The following GPHN variants were observed in gnomAD, a reference collection of about 807,000 sequenced individuals.
The protein encoded by GPHN is gephyrin.
In GPHN, 17 loss-of-function variants were observed where a neutral mutation model predicts 95.5. The observed-to-expected ratio is 0.18, with a 90% CI of 0.12 to 0.27. The LOEUF (loss-of-function observed/expected upper bound fraction) is 0.27, where lower values mean the gene tolerates loss of function less well. Ranked by LOEUF, GPHN falls within the 10% of genes least tolerant of loss-of-function variation. The pLI is 1.00. For missense variants in GPHN, 660 were observed against 978.1 expected (o/e 0.67, Z 4.34); for synonymous variants, 320 against 322.5 (o/e 0.99, Z 0.08).
chr14:66,870,311 A>T (rs1243752574), intron 4 of GPHN, among the ~76,000 whole-genome samples: 1 of 152,180 alleles, frequency 6.6e-6, no homozygotes, highest in Non-Finnish European at 1.5e-5. Context: ...TCACCATGAT[A>T]TATTTTTTCT....
the GPHN span, among the ~76,000 whole-genome samples, chr14:67,340,777 G>C: frequency 6.6e-6 from 1 of 152,218 alleles, no homozygotes; most frequent in Admixed American, 6.5e-5. Context: ...CTCCCTGCCT[G>C]ATTCTCCTGC....
At chr14:66,909,001 G>A (rs1261400544) in intron 5 of GPHN, among the ~76,000 whole-genome samples, 1 of 151,976 alleles carries the variant, frequency 6.6e-6, no homozygotes, top group Non-Finnish European at 1.5e-5. Context: ...ACAGAAAAAG[G>A]GTATTAAGTA....
At chr14:66,924,559 G>T (rs1364642852) in intron 8 of GPHN, among the ~76,000 whole-genome samples, 1 of 152,096 alleles carries the variant, frequency 6.6e-6, no homozygotes, top group Non-Finnish European at 1.5e-5. Context: ...GAAAGTCATT[G>T]CTCAGAAGTT....
At chr14:67,400,374 T>C in the GPHN span, among the ~76,000 whole-genome samples, 1 of 152,244 alleles carries the variant, frequency 6.6e-6, no homozygotes, top group Admixed American at 6.5e-5. Flanking sequence ...CCACATGTAG[T>C]ATGGGCATTG....
chr14:67,672,728 C>CCA, the GPHN span, among the ~76,000 whole-genome samples: 1 of 152,180 alleles, frequency 6.6e-6, no homozygotes, highest in African/African-American at 2.4e-5. Flanking sequence ...CAGGTGTGAG[C>CCA]CACCGTACCC....
chr14:67,474,707 C>T, the GPHN span, among the ~76,000 whole-genome samples: 2 of 152,160 alleles, frequency 1.3e-5, no homozygotes, highest in African/African-American at 2.4e-5. Flanking sequence ...CCATTAAATA[C>T]AAACTCCCAT....
intron 3 of GPHN, among the ~76,000 whole-genome samples, chr14:66,808,903 T>C (rs908540239): frequency 6.6e-6 from 1 of 152,174 alleles, no homozygotes; most frequent in Admixed American, 6.5e-5. Flanking sequence ...GAGAACATGA[T>C]GGGAAGGACT....
chr14:67,677,036 AGAAGT>A, the GPHN span: 1 of 152,216 alleles, frequency 6.6e-6, no homozygotes, highest in Non-Finnish European at 1.5e-5. Flanking sequence ...TACAAGTATC[AGAAGT>A]GAAGACTGTG....
In GPHN at chr14:66,681,153, A is replaced by G. The variant is rs2066912188; in HGVS notation, c.111A>G (p.Ile37Met). 2 of 1,599,428 alleles carry G rather than the reference A, an allele frequency of 1.3e-6. No homozygotes were observed. Among genetic ancestry groups the G allele is most frequent in the South Asian group, 2.2e-5 (2 of 90,698 alleles). ...ATCTTGCAGAAGACCGCAGTGGGATAAATCTCAAAGATCTCGTACAAGATC... is the reference window on the plus strand; with the variant it reads ...ATCTTGCAGAAGACCGCAGTGGGATGAATCTCAAAGATCTCGTACAAGATC... ...FRNLAEDRSG[I>M]NLKDLVQDPS... The change falls in exon 2 of 23, where the codon ATA becomes ATG. Residue 37 changes from isoleucine (I) to methionine (M), a missense_variant. This residue lies in a region of GPHN where 92 missense variants were observed against 91.9 expected (regional missense o/e 1.00). Coordinates refer to ENST00000478722, the MANE Select transcript of GPHN (RefSeq NM_020806.5).
chr14:66,674,249 C>T (rs1313581029), intron 1 of GPHN, among the ~76,000 whole-genome samples: 4 of 151,954 alleles, frequency 2.6e-5, no homozygotes, highest in Admixed American at 2.6e-4. Context: ...CAGACGCCCA[C>T]CACCACTCCT....
chr14:67,390,711 A>G, the GPHN span: 2 of 1,613,780 alleles, frequency 1.2e-6, no homozygotes, highest in African/African-American at 2.7e-5. Context: ...TCCTTAGAAC[A>G]AAGCGACGCA....
intron 11 of GPHN, among the ~76,000 whole-genome samples, chr14:67,085,756 A>AT (rs1159295685): frequency 6.6e-6 from 1 of 152,220 alleles, no homozygotes; most frequent in Non-Finnish European, 1.5e-5. Context: ...GTATGGTTCA[A>AT]TAGCATTAAG....
chr14:66,787,475 T>C (rs2059817737), intron 3 of GPHN, among the ~76,000 whole-genome samples: 1 of 152,152 alleles, frequency 6.6e-6, no homozygotes, highest in Non-Finnish European at 1.5e-5. Context: ...TAAAATTATA[T>C]AAATTCATTC....
At chr14:67,645,614 G>T in the GPHN span, 2 of 1,603,154 alleles carry the variant, frequency 1.2e-6, no homozygotes, top group Non-Finnish European at 1.7e-6. Context: ...CAAGCAGAGG[G>T]CCTTCAAGAT....
chr14:66,660,011 T>A (rs1374775806), intron 1 of GPHN, among the ~76,000 whole-genome samples: 1 of 152,024 alleles, frequency 6.6e-6, no homozygotes, highest in Non-Finnish European at 1.5e-5. Context: ...TCTTGGGAGT[T>A]ATTTGAATAT....
At chr14:67,704,234 G>A in the GPHN span, among the ~76,000 whole-genome samples, 6 of 152,218 alleles carry the variant, frequency 3.9e-5, no homozygotes, top group African/African-American at 7.2e-5. Context: ...GCTGAGTTCT[G>A]ATTACGGGGG....
intron 1 of GPHN, among the ~76,000 whole-genome samples, chr14:66,592,540 CAT>C (rs1555354747): frequency 6.6e-6 from 1 of 151,004 alleles, no homozygotes; most frequent in African/African-American, 2.4e-5. Flanking sequence ...GGCCAAAAAA[CAT>C]ATGAAAAAAG....
chr14:67,278,047 T>G, the GPHN span, among the ~76,000 whole-genome samples: 1 of 151,736 alleles, frequency 6.6e-6, no homozygotes, highest in African/African-American at 2.4e-5. Flanking sequence ...TCTTTTTTTT[T>G]TTTTTTTGAG....
At chr14:67,338,771 T>C in the GPHN span, 1 of 1,607,956 alleles carries the variant, frequency 6.2e-7, no homozygotes, top group African/African-American at 1.3e-5. Flanking sequence ...ACCTGTAAAA[T>C]ACAGGTGGGG....
Sources: allele counts gnomAD v4.1 joint callset (sites outside exome capture counted in the v4.1 genomes callset), GRCh38; gene constraint gnomAD v4.1.1; regional missense constraint gnomAD v4.1.1; transcripts MANE v1.5; gene names NCBI Gene and HGNC (gene_info 2026-07-23, HGNC 2026-07-21).